Variants in DGKB observed in about 807,000 individuals in gnomAD.
DGKB encodes the protein diacylglycerol kinase beta.
In DGKB, 67 loss-of-function variants were observed where a neutral mutation model predicts 114.3. The observed-to-expected ratio is 0.59, with a 90% CI of 0.48 to 0.72. DGKB has a LOEUF of 0.72. Ranked by LOEUF, DGKB falls within the 30% of genes least tolerant of loss-of-function variation. DGKB has a pLI of 0.00. For missense variants in DGKB, 907 were observed against 975.2 expected (o/e 0.93, Z 0.93); for synonymous variants, 398 against 323.1 (o/e 1.23, Z -2.49).
chr7:14,385,739 G>A (rs1460667813), intron 21 of DGKB, among the ~76,000 whole-genome samples: 4 of 152,090 alleles, frequency 2.6e-5, no homozygotes, highest in Non-Finnish European at 5.9e-5. Flanking sequence ...AAAATAAACT[G>A]GTGATATATG....
At chr7:14,797,064 C>T (rs1474163625) in intron 2 of DGKB, among the ~76,000 whole-genome samples, 1 of 152,172 alleles carries the variant, frequency 6.6e-6, no homozygotes, top group African/African-American at 2.4e-5. Flanking sequence ...CTTACAAGTG[C>T]AACTTGACTG....
At chr7:14,751,661 C>T (rs1834142621) in intron 4 of DGKB, among the ~76,000 whole-genome samples, 1 of 152,146 alleles carries the variant, frequency 6.6e-6, no homozygotes, top group African/African-American at 2.4e-5. Context: ...CAGAACAGCA[C>T]TCAGGATTGT....
chr7:14,859,085 T>C (rs1562741239), intron 1 of DGKB, among the ~76,000 whole-genome samples: 1 of 152,110 alleles, frequency 6.6e-6, no homozygotes. Flanking sequence ...CCTGGGATTA[T>C]GTGTTGTTCA....
intron 21 of DGKB, among the ~76,000 whole-genome samples, chr7:14,365,842 T>C (rs1816584578): frequency 6.6e-6 from 1 of 152,138 alleles, no homozygotes; most frequent in Non-Finnish European, 1.5e-5. Context: ...TGTAAATAGC[T>C]TTATAAATTG....
intron 20 of DGKB, among the ~76,000 whole-genome samples, chr7:14,566,322 A>C (rs759910128): frequency 6.0e-4 from 91 of 152,302 alleles, no homozygotes; most frequent in Admixed American, 1.5e-3. Flanking sequence ...ACTGAAAATA[A>C]TAGATGGTTT....
intron 1 of DGKB, among the ~76,000 whole-genome samples, chr7:14,928,368 G>C (rs760055617): frequency 6.6e-6 from 1 of 151,796 alleles, no homozygotes; most frequent in Non-Finnish European, 1.5e-5. Context: ...TTTCACTTTA[G>C]TTTCTCAAAA....
intron 5 of DGKB, 129 bp from the exon 6 acceptor site, chr7:14,718,814 T>A: frequency 1.5e-6 from 1 of 677,012 alleles, no homozygotes. Context: ...AATAACCAAA[T>A]TCTCTGTAAG....
chr7:14,396,544 T>C (rs960370287), intron 21 of DGKB, among the ~76,000 whole-genome samples: 54 of 152,140 alleles, frequency 3.5e-4, no homozygotes, highest in African/African-American at 1.3e-3. Context: ...TCCACATCTG[T>C]GTGGCCATGG....
At chr7:14,884,174 C>T (rs539749330) in intron 1 of DGKB, among the ~76,000 whole-genome samples, 13 of 152,014 alleles carry the variant, frequency 8.6e-5, no homozygotes, top group South Asian at 6.2e-4. Context: ...AATATGCAAA[C>T]GAAAGAATTC....
At chr7:14,323,886 C>G (rs1808265518) in intron 23 of DGKB, among the ~76,000 whole-genome samples, 1 of 152,134 alleles carries the variant, frequency 6.6e-6, no homozygotes, top group African/African-American at 2.4e-5. Context: ...TTTCAAAAAA[C>G]CTGTCTATTA....
chr7:14,465,063 T>C (rs183514371), intron 21 of DGKB, among the ~76,000 whole-genome samples: 1 of 152,246 alleles, frequency 6.6e-6, no homozygotes, highest in Admixed American at 6.5e-5. Context: ...ATGAGAAGAA[T>C]ACTTTTTGGG....
At chr7:14,159,287 C>T (rs1209161995) in intron 25 of DGKB, among the ~76,000 whole-genome samples, 1 of 152,124 alleles carries the variant, frequency 6.6e-6, no homozygotes, top group African/African-American at 2.4e-5. Context: ...ACTCTTCCCT[C>T]TCTTTGGGGC....
chr7:14,967,895 G>A (rs953821433), intron 1 of DGKB, among the ~76,000 whole-genome samples: 1 of 152,086 alleles, frequency 6.6e-6, no homozygotes, highest in East Asian at 1.9e-4. Context: ...GATTGAGAGA[G>A]AGAGGGAAAG....
intron 18 of DGKB, among the ~76,000 whole-genome samples, chr7:14,582,152 G>A (rs528029257): frequency 2.0e-5 from 3 of 152,186 alleles, no homozygotes; most frequent in East Asian, 3.9e-4. Context: ...TTTTATGAAA[G>A]GGCCTGTTTT....
intron 9 of DGKB, among the ~76,000 whole-genome samples, chr7:14,689,196 C>CTTATTTTTTTTATTTTT (rs1055110232): frequency 1.2e-5 from 1 of 80,304 alleles, no homozygotes; most frequent in Non-Finnish European, 2.5e-5. Context: ...AGAAACTCCT[C>CTTATTTTTTTTATTTTT]TTATTTTTTT....
chr7:14,152,436 G>C (rs946413974), intron 25 of DGKB, among the ~76,000 whole-genome samples: 1 of 152,026 alleles, frequency 6.6e-6, no homozygotes, highest in Non-Finnish European at 1.5e-5. Flanking sequence ...AACTGCAATG[G>C]TTCCATGACG....
At chr7:14,348,488 T>A (rs1266149146) in intron 21 of DGKB, among the ~76,000 whole-genome samples, 1 of 151,382 alleles carries the variant, frequency 6.6e-6, no homozygotes, top group African/African-American at 2.4e-5. Context: ...AAAATAGATA[T>A]ACAGATGGAA....
At chr7:14,747,775 G>GCGCGCGTGCGCGCGCACA in intron 4 of DGKB, among the ~76,000 whole-genome samples, 4 of 149,178 alleles carry the variant, frequency 2.7e-5, no homozygotes, top group African/African-American at 1.0e-4. Context: ...ACATCCACGC[G>GCGCGCGTGCGCGCGCACA]CACGCACACA....
intron 1 of DGKB, among the ~76,000 whole-genome samples, chr7:14,940,125 A>G (rs151195655): frequency 3.5e-4 from 54 of 152,218 alleles, no homozygotes; most frequent in East Asian, 2.9e-3. Flanking sequence ...GTCTTATTTG[A>G]ATAAAAAATT....
Sources: gnomAD v4.1 joint callset for allele counts (sites outside exome capture counted in the v4.1 genomes callset) on GRCh38, gnomAD v4.1.1 for gene constraint, MANE v1.5 for transcripts, NCBI Gene and HGNC (gene_info 2026-07-23, HGNC 2026-07-21) for gene names.